ABTB2: variants seen among roughly 807,000 people sequenced by gnomAD.
ABTB2 encodes the protein ankyrin repeat and BTB/POZ domain-containing protein 2.
A neutral mutation model predicts 104.1 loss-of-function variants in ABTB2; 56 were observed. The ratio of observed to expected loss-of-function variants is 0.54; its 90% CI spans 0.43 to 0.67. The LOEUF is 0.67. Among genes scored for constraint, ABTB2 ranks in the 30% least tolerant of loss-of-function variants. The pLI is 0.00. For synonymous variants in ABTB2, 606 were observed against 608.2 expected, an observed-to-expected ratio of 1.00 and a Z score of 0.05; for missense variants, 1,279 against 1,407.7, an observed-to-expected ratio of 0.91 and a Z score of 1.46.
At position 34,166,790 on chromosome 11, in the gene ABTB2, C is replaced by T. The variant is rs189614809; in HGVS notation, c.1755+469G>A. Among the ~76,000 whole-genome samples the T allele has an allele frequency of 1.0e-3, 155 of 152,360 alleles. 1 individual carries two copies. Among genetic ancestry groups the T allele is most frequent in the Middle Eastern group, 3.4e-3 (1 of 294 alleles). ...CTGAGGTGGGCAACCTGTGGCTTGGCTCGACGGGTGAGCCATGCCAATCCG... is the reference window on the plus strand; with the variant it reads ...CTGAGGTGGGCAACCTGTGGCTTGGTTCGACGGGTGAGCCATGCCAATCCG... On this transcript the variant is annotated intron_variant, in intron 7 of 16. Coordinates refer to ENST00000435224, the MANE Select transcript of ABTB2 (RefSeq NM_145804.3).
chr11:34,262,204 ATCC>A (rs2133075176), intron 1 of ABTB2, among the ~76,000 whole-genome samples: 1 of 152,312 alleles, frequency 6.6e-6, no homozygotes, highest in Non-Finnish European at 1.5e-5. Context: ...TGGGATTTGG[ATCC>A]TCTAAGAAAT....
chr11:34,160,416 A>G, intron 11 of ABTB2, 63 bp from the exon 12 acceptor site: 2 of 1,195,060 alleles, frequency 1.7e-6, no homozygotes, highest in Non-Finnish European at 2.5e-6. Flanking sequence ...ACAGATGCAG[A>G]TACGTCAGGC....
intron 14 of ABTB2, among the ~76,000 whole-genome samples, chr11:34,156,125 T>C (rs1222301478): frequency 6.6e-6 from 1 of 152,260 alleles, no homozygotes; most frequent in African/African-American, 2.4e-5. Flanking sequence ...CCTGGAAGGC[T>C]ACCTCCTGCT....
At position 34,152,325 on chromosome 11, in the gene ABTB2, C is replaced by T. The variant is rs1852553543; in HGVS notation, c.*62G>A. On this transcript the variant is annotated 3_prime_UTR_variant, in exon 17 of 17. Coordinates refer to ENST00000435224, the MANE Select transcript of ABTB2 (RefSeq NM_145804.3). ...GCTCCAAGAGGGCCTACAACCATACCCCGACATGGTGGGCCCTGGCACCTC... is the reference window on the plus strand; with the variant it reads ...GCTCCAAGAGGGCCTACAACCATACTCCGACATGGTGGGCCCTGGCACCTC... The T allele has an allele frequency of 1.3e-6, 2 of 1,506,680 alleles. No homozygotes were observed. Among genetic ancestry groups the T allele is most frequent in the Non-Finnish European group, 1.8e-6 (2 of 1,123,026 alleles). The allele number at this position is 1,506,680 out of a possible 1,614,324, so 93.3% of individuals were successfully genotyped here. A position where few individuals can be genotyped will look rare whatever the true frequency, so the allele number is the denominator to read the frequency against.
intron 1 of ABTB2, among the ~76,000 whole-genome samples, chr11:34,305,749 A>C (rs530755909): frequency 1.3e-5 from 2 of 152,340 alleles, no homozygotes; most frequent in East Asian, 3.9e-4. Context: ...TAGTGCAATA[A>C]ATACTCATAT....
At chr11:34,353,948 G>A (rs1855430798) in intron 1 of ABTB2, among the ~76,000 whole-genome samples, 1 of 152,186 alleles carries the variant, frequency 6.6e-6, no homozygotes, top group African/African-American at 2.4e-5. Context: ...CAAAGGTTTG[G>A]ACCACTCCAT....
At chr11:34,349,936 G>C (rs1031548062) in intron 1 of ABTB2, among the ~76,000 whole-genome samples, 1 of 152,208 alleles carries the variant, frequency 6.6e-6, no homozygotes, top group African/African-American at 2.4e-5. Flanking sequence ...CAGCCAGGCA[G>C]CCCCACCCCG....
At chr11:34,162,538 A>G (rs922092356) in intron 10 of ABTB2, 38 bp downstream of exon 10, 3 of 1,579,274 alleles carry the variant, frequency 1.9e-6, no homozygotes, top group Non-Finnish European at 8.7e-7. Context: ...GTCCATATGC[A>G]TGCATGGACA....
rs188935246 is a variant in ABTB2, at chr11:34,176,164, C to T, written c.1245-2857G>A. Among the ~76,000 whole-genome samples the T allele has an allele frequency of 6.3e-3, 951 of 150,536 alleles. 5 individuals carry two copies. Among genetic ancestry groups the T allele is most frequent in the Non-Finnish European group, 0.011 (725 of 67,746 alleles). ...GCGTGGTGGTACTCACCTGTAGTTCCGGCTACTCAGGAGGCTGAGGCATAA... is the reference window on the plus strand; with the variant it reads ...GCGTGGTGGTACTCACCTGTAGTTCTGGCTACTCAGGAGGCTGAGGCATAA... On this transcript the variant is annotated intron_variant, in intron 3 of 16. Transcript: ENST00000435224.
At chr11:34,335,802 T>C (rs1855186829) in intron 1 of ABTB2, 5 of 1,357,292 alleles carry the variant, frequency 3.7e-6, no homozygotes, top group East Asian at 2.3e-5. Flanking sequence ...ACCTCTGATC[T>C]TGAGGTCCAA....
intron 1 of ABTB2, among the ~76,000 whole-genome samples, chr11:34,251,087 T>G (rs186767897): frequency 1.3e-5 from 2 of 152,194 alleles, no homozygotes; most frequent in South Asian, 2.1e-4. Context: ...GGCTAAGAGA[T>G]AAATCTTCTA....
At chr11:34,162,500 T>G (rs1852735770) in intron 10 of ABTB2, 76 bp downstream of exon 10, 1 of 1,485,732 alleles carries the variant, frequency 6.7e-7, no homozygotes, top group African/African-American at 1.4e-5. Context: ...TCAGGCCTGC[T>G]GAAGAGCAGC....
intron 14 of ABTB2, among the ~76,000 whole-genome samples, chr11:34,156,459 C>CTGA (rs1038382930): frequency 6.6e-6 from 1 of 152,036 alleles, no homozygotes; most frequent in Non-Finnish European, 1.5e-5. Flanking sequence ...CACTTGGAAG[C>CTGA]TGATACTGCA....
chr11:34,258,881 G>A (rs1320924615), intron 1 of ABTB2, among the ~76,000 whole-genome samples: 4 of 151,776 alleles, frequency 2.6e-5, no homozygotes, highest in South Asian at 2.1e-4. Context: ...GATTAAAGGC[G>A]TGAGCCACTG....
At chr11:34,306,020 C>T (rs1854766298) in intron 1 of ABTB2, among the ~76,000 whole-genome samples, 1 of 152,034 alleles carries the variant, frequency 6.6e-6, no homozygotes, top group Non-Finnish European at 1.5e-5. Context: ...AATTTGGATT[C>T]ATTTGTTCGT....
At chr11:34,257,865 T>C (rs11032584) in intron 1 of ABTB2, among the ~76,000 whole-genome samples, 64 of 152,200 alleles carry the variant, frequency 4.2e-4, no homozygotes, top group Admixed American at 7.2e-4. Flanking sequence ...TCCCAAAGTA[T>C]AGGGATTACA....
chr11:34,219,586 A>G (rs1279891505), intron 1 of ABTB2, among the ~76,000 whole-genome samples: 1 of 152,226 alleles, frequency 6.6e-6, no homozygotes, highest in Non-Finnish European at 1.5e-5. Flanking sequence ...TCACCTAGTG[A>G]TGTTGTAGCC....
chr11:34,282,525 T>C (rs1255627911), intron 1 of ABTB2, among the ~76,000 whole-genome samples: 1 of 152,112 alleles, frequency 6.6e-6, no homozygotes, highest in Admixed American at 6.6e-5. Context: ...TTCTTTTTTC[T>C]TTTCTTTTCT....
chr11:34,238,060 C>T (rs1229616483), intron 1 of ABTB2, among the ~76,000 whole-genome samples: 1 of 152,122 alleles, frequency 6.6e-6, no homozygotes, highest in African/African-American at 2.4e-5. Context: ...GCTATATACC[C>T]ACAAAATTAA....
Sources: gnomAD v4.1 joint callset for allele counts (sites outside exome capture counted in the v4.1 genomes callset) on GRCh38, gnomAD v4.1.1 for gene constraint, MANE v1.5 for transcripts, NCBI Gene and HGNC (gene_info 2026-07-23, HGNC 2026-07-21) for gene names.